ATP2A1: variants seen among roughly 807,000 people sequenced by gnomAD.
The protein encoded by ATP2A1 is sarcoplasmic/endoplasmic reticulum calcium ATPase 1.
A neutral mutation model predicts 109.5 loss-of-function variants in ATP2A1; 83 were observed. The observed-to-expected ratio is 0.76, with a 90% CI of 0.63 to 0.91. ATP2A1 has a LOEUF of 0.91. ATP2A1 is among the 40% of genes least tolerant of loss of function. The pLI is 0.00. For missense variants in ATP2A1, 1,101 were observed against 1,341.0 expected, an observed-to-expected ratio of 0.82 and a Z score of 2.80; for synonymous variants, 505 against 537.6, an observed-to-expected ratio of 0.94 and a Z score of 0.84.
intron 5 of ATP2A1, among the ~76,000 whole-genome samples, chr16:28,884,285 C>T (rs979814839): frequency 6.6e-6 from 1 of 152,148 alleles, no homozygotes; most frequent in African/African-American, 2.4e-5. Flanking sequence ...CCTGCCCATC[C>T]CTTCTCAGGG....
chr16:28,900,443 G>A, intron 14 of ATP2A1, 138 bp from the exon 15 acceptor site: 1 of 843,642 alleles, frequency 1.2e-6, no homozygotes, highest in Non-Finnish European at 1.8e-6. Flanking sequence ...CCCTGAGGCG[G>A]CAAGCCCAGG....
In ATP2A1 at chr16:28,898,328, G is replaced by A. The variant is rs1387468030; in HGVS notation, c.1641G>A (p.Ala547=). Residue 547 remains alanine (A), a synonymous_variant, in exon 14 of 23, where the codon GCG becomes GCA. Transcript: ENST00000395503. The surrounding 1 kb of genome is among the most constrained non-coding windows in gnomAD (Gnocchi z 4.0). The part of the protein sequence containing the change: ...LTGPVKEKIM[A]VIKEWGTGRD... ...GGCCGGTGAAGGAAAAGATCATGGC[G>A]GTGATCAAGGAGTGGGGCACTGGCC... 14 of 1,614,184 alleles carry A rather than the reference G, an allele frequency of 8.7e-6. No individual in the cohort carries two copies. Among genetic ancestry groups the A allele is most frequent in the Middle Eastern group, 1.6e-4 (1 of 6,062 alleles).
Position 28,898,399 on chromosome 16 carries a change from C to G in ATP2A1, c.1712C>G (p.Pro571Arg), listed in dbSNP as rs567407505. The G allele has an allele frequency of 6.2e-6, 10 of 1,614,196 alleles. No homozygotes were observed. In the East Asian group the frequency reaches 2.2e-4, roughly 36 times the overall value. The change falls in exon 14 of 23, where the codon CCG (proline) becomes CGG (arginine). Residue 571 changes from proline to arginine, a missense_variant. Transcript: ENST00000395503. This position sits in a 1 kb window ranked among gnomAD's most constrained non-coding sequence, Gnocchi z 4.0. ...CLALATRDTP[P>R]KREEMVLDDS... Reference sequence around the variant, plus strand: ...GCCCTGGCCACCCGGGACACCCCCCCGAAGCGAGAGGAAATGGTCCTGGAT... The same window carrying G: ...GCCCTGGCCACCCGGGACACCCCCCGGAAGCGAGAGGAAATGGTCCTGGAT...
At chr16:28,878,944 C>CAT in intron 1 of ATP2A1, 155 bp downstream of exon 1, 1 of 1,341,776 alleles carries the variant, frequency 7.5e-7, no homozygotes, top group Non-Finnish European at 1.1e-6. Flanking sequence ...ACTGAGAAAA[C>CAT]AGAGTCCCGA....
chr16:28,900,965 G>A (rs200953840), intron 15 of ATP2A1, 49 bp downstream of exon 15: 2 of 1,609,246 alleles, frequency 1.2e-6, no homozygotes, highest in East Asian at 2.2e-5. Flanking sequence ...GAGATGACCA[G>A]ATGACTGTGC....
Position 28,902,661 on chromosome 16 carries a change from A to C in ATP2A1, c.2606A>C (p.Gln869Pro). The C allele has an allele frequency of 6.2e-7, 1 of 1,614,042 alleles. No homozygotes were observed. Among genetic ancestry groups the C allele is most frequent in the Non-Finnish European group, 8.5e-7 (1 of 1,179,966 alleles). The change falls in exon 18 of 23, where the codon CAG becomes CCG. Residue 869 changes from glutamine (Q) to proline (P), a missense_variant. Coordinates refer to ENST00000395503, the MANE Select transcript of ATP2A1 (RefSeq NM_004320.6). The surrounding 1 kb of genome is among the most constrained non-coding windows in gnomAD (Gnocchi z 4.8). ...AEDGPHVNYS[Q>P]LTHFMQCTED... ...GATGGGCCTCATGTCAACTACAGCC[A>C]GCTGGTAGGGGGAGGCCACAAAGGA...
rs186636950 is a variant in ATP2A1 at position 28,887,408 on chromosome 16, C to T, written c.631-17C>T. ...TCACCTCTTGCCTGATTCCCTGCCT[C>T]CTCTTTCCCTTCCCAGGGCACCAAC... On this transcript the variant is annotated splice_polypyrimidine_tract_variant and intron_variant, in intron 7 of 22. Transcript: ENST00000395503. 142 of 1,614,000 alleles carry T rather than the reference C, an allele frequency of 8.8e-5. 1 individual carries two copies. In the Admixed American group the frequency reaches 1.3e-3, roughly 14 times the overall value.
intron 6 of ATP2A1, among the ~76,000 whole-genome samples, chr16:28,885,738 C>T (rs1963597249): frequency 6.6e-6 from 1 of 152,022 alleles, no homozygotes; most frequent in African/African-American, 2.4e-5. Flanking sequence ...TAGCCACCAG[C>T]CCACCCCTTC....
rs541644982 is a variant in ATP2A1 at position 28,902,888 on chromosome 16, C to A, written c.2721C>A (p.Ile907=). 1.2e-6 allele frequency: 2 copies of A among 1,613,896 alleles called. No individual in the cohort carries two copies. Among genetic ancestry groups the A allele is most frequent in the African/African-American group, 2.7e-5 (2 of 74,890 alleles). The change falls in exon 19 of 23, where the codon ATC becomes ATA. Residue 907 remains isoleucine (I), a synonymous_variant. Transcript: ENST00000395503. This position sits in a 1 kb window ranked among gnomAD's most constrained non-coding sequence, Gnocchi z 4.8. The part of the protein sequence containing the change: ...MTMALSVLVT[I]EMCNALNSLS... Reference sequence around the variant, plus strand: ...TGGCCCTGTCCGTGCTGGTGACCATCGAGATGTGCAATGCACTGAACAGGT... The same window carrying A: ...TGGCCCTGTCCGTGCTGGTGACCATAGAGATGTGCAATGCACTGAACAGGT...
chr16:28,879,051 A>G, intron 1 of ATP2A1, 48 bp from the exon 2 acceptor site: 1 of 1,613,492 alleles, frequency 6.2e-7, no homozygotes, highest in Non-Finnish European at 8.5e-7. Context: ...GGGGGGCATG[A>G]GGCTGAACCC....
In ATP2A1 at chr16:28,878,651, G is replaced by C; in HGVS notation, c.-21G>C. ...CCCCTGGAAGGAACACACCGGCCCC[G>C]GCCCCCAGGAAGGGAGCACAATGGA... On this transcript the variant is annotated 5_prime_UTR_variant, in exon 1 of 23. Coordinates refer to ENST00000395503, the MANE Select transcript of ATP2A1 (RefSeq NM_004320.6). The C allele has an allele frequency of 6.3e-7, 1 of 1,575,650 alleles. No homozygotes were observed. Among genetic ancestry groups the C allele is most frequent in the South Asian group, 1.1e-5 (1 of 87,268 alleles).
intron 3 of ATP2A1, 48 bp downstream of exon 3, chr16:28,879,631 G>C: frequency 6.3e-7 from 1 of 1,585,534 alleles, no homozygotes; most frequent in Non-Finnish European, 8.6e-7. Flanking sequence ...GTGAGGCTGG[G>C]ATCGGGCGAA....
intron 5 of ATP2A1, among the ~76,000 whole-genome samples, chr16:28,882,939 CA>C (rs1274264423): frequency 2.0e-5 from 3 of 152,240 alleles, no homozygotes; most frequent in African/African-American, 7.2e-5. Context: ...CCACCCACCC[CA>C]AGCTTGGTCA....
At chr16:28,885,180 C>T (rs955983739) in intron 6 of ATP2A1, among the ~76,000 whole-genome samples, 3 of 150,838 alleles carry the variant, frequency 2.0e-5, no homozygotes, top group African/African-American at 7.3e-5. Context: ...ACCCAGGAGG[C>T]TGAGGCTGCA....
chr16:28,892,163 G>A (rs373525847), intron 9 of ATP2A1, among the ~76,000 whole-genome samples: 1 of 152,210 alleles, frequency 6.6e-6, no homozygotes, highest in African/African-American at 2.4e-5. Flanking sequence ...GAAAGTATCT[G>A]TGATTAAATT....
intron 6 of ATP2A1, among the ~76,000 whole-genome samples, chr16:28,885,312 T>C (rs1049496830): frequency 6.6e-6 from 1 of 151,250 alleles, no homozygotes; most frequent in African/African-American, 2.4e-5. Flanking sequence ...CCTGGCTCGC[T>C]AGTAGTGGCT....
chr16:28,895,643 T>A (rs564242733), intron 12 of ATP2A1, among the ~76,000 whole-genome samples: 21 of 146,530 alleles, frequency 1.4e-4, no homozygotes, highest in Admixed American at 4.1e-4. Flanking sequence ...CTGGGCAACA[T>A]AGTGAGACCC....
At chr16:28,894,983 C>T (rs775888633) in intron 12 of ATP2A1, 30 bp downstream of exon 12, 19 of 1,608,326 alleles carry the variant, frequency 1.2e-5, no homozygotes, top group East Asian at 2.2e-5. Context: ...GCCACAGGGC[C>T]GTCTCCACTC....
chr16:28,888,739 A>T, intron 8 of ATP2A1, 48 bp from the exon 9 acceptor site: 1 of 1,600,878 alleles, frequency 6.2e-7, no homozygotes, highest in Non-Finnish European at 8.5e-7. Flanking sequence ...AGGTTCCCTC[A>T]CACCCTCCCC....
Sources: allele counts gnomAD v4.1 joint callset (sites outside exome capture counted in the v4.1 genomes callset), GRCh38; gene constraint gnomAD v4.1.1; non-coding constraint Gnocchi (gnomAD v3.1); transcripts MANE v1.5; gene names NCBI Gene and HGNC (gene_info 2026-07-23, HGNC 2026-07-21).